SLCO5A1: variants seen among roughly 807,000 people sequenced by gnomAD.
The protein encoded by SLCO5A1 is organic anion transporter polypeptide-related protein 4.
In SLCO5A1, 39 loss-of-function variants were observed where a neutral mutation model predicts 65.1. The ratio of observed to expected loss-of-function variants is 0.60; its 90% CI spans 0.46 to 0.78. The LOEUF is 0.78. Among genes scored for constraint, SLCO5A1 ranks in the 30% least tolerant of loss-of-function variants. SLCO5A1 has a pLI of 0.00. For missense variants in SLCO5A1, 1,029 were observed against 1,069.4 expected (o/e 0.96, Z 0.53); for synonymous variants, 438 against 415.7 (o/e 1.05, Z -0.65).
At chr8:69,723,634 G>A (rs11782475) in intron 5 of SLCO5A1, among the ~76,000 whole-genome samples, 9,438 of 152,072 alleles carry the variant, frequency 0.062, 392 homozygotes, top group South Asian at 0.086. Context: ...AGAGGAAAAG[G>A]TTCATACTTT....
At position 69,792,790 on chromosome 8, in the gene SLCO5A1, G is replaced by A. The variant is rs574407032; in HGVS notation, c.908-30915C>T. Among the ~76,000 whole-genome samples the A allele has an allele frequency of 3.3e-5, 5 of 152,172 alleles. No individual in the cohort carries two copies. In the South Asian group the frequency reaches 8.3e-4, roughly 25 times the overall value. On this transcript the variant is annotated intron_variant, in intron 2 of 9. Coordinates refer to ENST00000260126, the MANE Select transcript of SLCO5A1 (RefSeq NM_030958.3). ...TGAAATTAAAGTCAAGATGCAAGAC[G>A]TTTCAAAGTAGATGAAAGCTAATGG...
Position 69,706,821 on chromosome 8 carries a change from T to A in SLCO5A1, c.1424-1592A>T, listed in dbSNP as rs148501729. On this transcript the variant is annotated intron_variant, in intron 5 of 9. Coordinates refer to ENST00000260126, the MANE Select transcript of SLCO5A1 (RefSeq NM_030958.3). ...AATTATCTTTAAATTATGTTTAATGTACTTCTGGGTATGTTATTTTTCACT... is the reference window on the plus strand; with the variant it reads ...AATTATCTTTAAATTATGTTTAATGAACTTCTGGGTATGTTATTTTTCACT... Among the ~76,000 whole-genome samples, 647 of 152,322 alleles carry A rather than the reference T, an allele frequency of 4.2e-3. 4 individuals carry two copies. The highest frequency in any genetic ancestry group is 0.014 in the African/African-American group (601 of 41,570).
chr8:69,698,419 G>A (rs188234783), intron 6 of SLCO5A1, among the ~76,000 whole-genome samples: 90 of 152,196 alleles, frequency 5.9e-4, no homozygotes, highest in African/African-American at 1.6e-3. Flanking sequence ...TAAGTTCTTC[G>A]AGAAACCATC....
chr8:69,759,133 ATTCCTTCC>A (rs201658059), intron 3 of SLCO5A1, among the ~76,000 whole-genome samples: 1 of 152,138 alleles, frequency 6.6e-6, no homozygotes, highest in Non-Finnish European at 1.5e-5. Flanking sequence ...AGCATTATTC[ATTCCTTCC>A]TTCCTTCCTT....
intron 5 of SLCO5A1, among the ~76,000 whole-genome samples, chr8:69,736,041 A>G (rs1252978626): frequency 6.6e-6 from 1 of 152,268 alleles, no homozygotes; most frequent in Non-Finnish European, 1.5e-5. Context: ...CAAACATTGT[A>G]TAAACTGCAT....
intron 5 of SLCO5A1, among the ~76,000 whole-genome samples, chr8:69,722,062 C>T (rs1815848388): frequency 6.6e-6 from 1 of 152,084 alleles, no homozygotes; most frequent in Non-Finnish European, 1.5e-5. Context: ...GTCCCAGCTA[C>T]TTGGGAGGCT....
At chr8:69,787,021 C>G (rs1819064732) in intron 2 of SLCO5A1, among the ~76,000 whole-genome samples, 1 of 152,172 alleles carries the variant, frequency 6.6e-6, no homozygotes, top group Non-Finnish European at 1.5e-5. Context: ...GTTTGTAACC[C>G]AGGGCTGAGC....
chr8:69,730,848 C>T (rs746366342), intron 5 of SLCO5A1, among the ~76,000 whole-genome samples: 7 of 152,038 alleles, frequency 4.6e-5, no homozygotes, highest in Admixed American at 3.9e-4. Context: ...CTGGAGAGCT[C>T]GGCTGTTGAA....
intron 2 of SLCO5A1, among the ~76,000 whole-genome samples, chr8:69,792,206 T>C (rs1440154774): frequency 6.6e-6 from 1 of 151,886 alleles, no homozygotes; most frequent in Non-Finnish European, 1.5e-5. Flanking sequence ...CTCAAGCCAG[T>C]GTGTGATTAA....
At chr8:69,674,050 T>C (rs1586667868) in intron 9 of SLCO5A1, among the ~76,000 whole-genome samples, 1 of 152,338 alleles carries the variant, frequency 6.6e-6, no homozygotes, top group South Asian at 2.1e-4. Context: ...TGTCACATGC[T>C]ACTCCCTTTA....
chr8:69,829,800 T>C (rs764265459), intron 2 of SLCO5A1, among the ~76,000 whole-genome samples: 2 of 152,250 alleles, frequency 1.3e-5, no homozygotes, highest in Admixed American at 6.5e-5. Context: ...CCTTCAGTTA[T>C]GTAAAAGAAT....
chr8:69,821,048 C>T (rs1337768723), intron 2 of SLCO5A1, among the ~76,000 whole-genome samples: 1 of 152,178 alleles, frequency 6.6e-6, no homozygotes, highest in East Asian at 1.9e-4. Context: ...TCTAGCCCTT[C>T]TCTGTCATGT....
intron 2 of SLCO5A1, among the ~76,000 whole-genome samples, chr8:69,767,012 T>C (rs1360908866): frequency 6.6e-6 from 1 of 152,248 alleles, no homozygotes; most frequent in African/African-American, 2.4e-5. Context: ...TAACAGCAGA[T>C]ATCAACCCAT....
At chr8:69,808,747 G>A (rs918761683) in intron 2 of SLCO5A1, among the ~76,000 whole-genome samples, 3 of 152,182 alleles carry the variant, frequency 2.0e-5, no homozygotes, top group Admixed American at 6.5e-5. Flanking sequence ...TCGCCATGAT[G>A]TGTGAGATTT....
At chr8:69,770,099 T>C (rs1166977798) in intron 2 of SLCO5A1, among the ~76,000 whole-genome samples, 2 of 152,242 alleles carry the variant, frequency 1.3e-5, no homozygotes, top group East Asian at 3.8e-4. Flanking sequence ...TTCATGTAGC[T>C]ATCTCCAGCT....
chr8:69,678,105 G>A (rs1176980283), intron 8 of SLCO5A1, among the ~76,000 whole-genome samples: 1 of 152,200 alleles, frequency 6.6e-6, no homozygotes, highest in Non-Finnish European at 1.5e-5. Context: ...AGTACAGACT[G>A]AGTGTTTAAG....
At chr8:69,784,895 G>GAAGAAAGAAAGA (rs200219200) in intron 2 of SLCO5A1, among the ~76,000 whole-genome samples, 1,340 of 85,028 alleles carry the variant, frequency 0.016, 17 homozygotes, top group East Asian at 0.022. Context: ...AAGAAGAAAG[G>GAAGAAAGAAAGA]AAGAAAGAAA....
At chr8:69,824,864 T>G (rs569469340) in intron 2 of SLCO5A1, among the ~76,000 whole-genome samples, 2 of 152,294 alleles carry the variant, frequency 1.3e-5, no homozygotes, top group African/African-American at 4.8e-5. Flanking sequence ...TGAACATTGA[T>G]GCAAAAATCC....
At chr8:69,758,783 A>C (rs977610707) in intron 3 of SLCO5A1, among the ~76,000 whole-genome samples, 1 of 152,228 alleles carries the variant, frequency 6.6e-6, no homozygotes, top group African/African-American at 2.4e-5. Flanking sequence ...GAAAGTGTGC[A>C]GTACCTGTTG....
Sources: allele counts gnomAD v4.1 joint callset (sites outside exome capture counted in the v4.1 genomes callset), GRCh38; gene constraint gnomAD v4.1.1; transcripts MANE v1.5; gene names NCBI Gene and HGNC (gene_info 2026-07-23, HGNC 2026-07-21).